The following GABRR3 variants were observed in gnomAD, a reference collection of about 807,000 sequenced individuals.
GABRR3 encodes gamma-aminobutyric acid type A receptor subunit rho3, also known as gamma-aminobutyric acid receptor subunit rho-3.
Under a neutral mutation model 43.2 loss-of-function variants are expected in GABRR3, and 29 were observed. The ratio of observed to expected loss-of-function variants is 0.67; its 90% confidence interval spans 0.50 to 0.92. The LOEUF (loss-of-function observed/expected upper bound fraction) is 0.92, where lower values mean the gene tolerates loss of function less well. Among genes scored for constraint, GABRR3 ranks in the 40% least tolerant of loss-of-function variants. The probability of loss-of-function intolerance (pLI) is 0.00; values close to 1 mark genes in which losing one functional copy is unlikely to be tolerated. For missense variants in GABRR3, 576 were observed against 572.3 expected, an observed-to-expected ratio of 1.01 and a Z score of -0.07; for synonymous variants, 206 against 195.9, an observed-to-expected ratio of 1.05 and a Z score of -0.43.
intron 4 of GABRR3, among the ~76,000 whole-genome samples, chr3:98,017,115 CT>C (rs1706881228): frequency 6.6e-6 from 1 of 152,032 alleles, no homozygotes; most frequent in Admixed American, 6.6e-5. Flanking sequence ...TAATGGCAGT[CT>C]TTTTTAGATT....
At chr3:97,993,232 TTC>T (rs1706495018) in intron 8 of GABRR3, among the ~76,000 whole-genome samples, 184 bp from the exon 9 acceptor site, 2 of 152,190 alleles carry the variant, frequency 1.3e-5, no homozygotes, top group Non-Finnish European at 2.9e-5. Flanking sequence ...CACTGGATTT[TTC>T]TGTCTCTTTT....
chr3:97,985,592 C>T (rs866026337), downstream of GABRR3, among the ~76,000 whole-genome samples: 2 of 152,198 alleles, frequency 1.3e-5, no homozygotes, highest in Middle Eastern at 3.2e-3. Context: ...GGCAGGAACG[C>T]TATTTCATAT....
intron 7 of GABRR3, among the ~76,000 whole-genome samples, chr3:98,002,679 A>T (rs1263325467): frequency 6.6e-6 from 1 of 152,178 alleles, no homozygotes; most frequent in Non-Finnish European, 1.5e-5. Flanking sequence ...AAGGCAATAC[A>T]TGAGGAAACA....
At chr3:98,006,953 C>A (rs1250400703) in intron 7 of GABRR3, among the ~76,000 whole-genome samples, 1 of 152,026 alleles carries the variant, frequency 6.6e-6, no homozygotes, top group Admixed American at 6.6e-5. Context: ...CAATGATGCA[C>A]TTTATGGATG....
At chr3:98,027,093 A>G (rs950812412) in intron 2 of GABRR3, among the ~76,000 whole-genome samples, 1 of 152,242 alleles carries the variant, frequency 6.6e-6, no homozygotes, top group Non-Finnish European at 1.5e-5. Context: ...CCAAGGAGCT[A>G]GAATTAACTA....
intron 8 of GABRR3, chr3:97,997,458 G>T (rs1706576600): frequency 6.6e-6 from 1 of 151,954 alleles, no homozygotes; most frequent in Non-Finnish European, 1.5e-5. Context: ...ATTTTAAAAA[G>T]GTAATTTATT....
chr3:98,009,003 C>T, exon 6 of GABRR3: 1 of 1,608,236 alleles, frequency 6.2e-7, no homozygotes, highest in East Asian at 2.2e-5. Flanking sequence ...AGGAAACCTG[C>T]TGAAATCCAT....
At chr3:98,001,484 C>A (rs1706640851) in intron 8 of GABRR3, 131 bp downstream of exon 8, 1 of 945,606 alleles carries the variant, frequency 1.1e-6, no homozygotes, top group East Asian at 2.6e-5. Flanking sequence ...GATACTGCAA[C>A]CTGGATGTTC....
intron 3 of GABRR3, among the ~76,000 whole-genome samples, chr3:98,018,004 C>CT (rs10710938): frequency 3.7e-4 from 51 of 137,034 alleles, no homozygotes; most frequent in Middle Eastern, 3.8e-3. Context: ...CTCCAGTTTT[C>CT]TTTTTTTTTT....
intron 7 of GABRR3, among the ~76,000 whole-genome samples, chr3:98,002,427 T>C (rs181308340): frequency 2.0e-5 from 3 of 152,292 alleles, no homozygotes; most frequent in East Asian, 3.9e-4. Context: ...TGTGGTGACA[T>C]CCACACACAC....
intron 4 of GABRR3, among the ~76,000 whole-genome samples, chr3:98,013,623 C>T (rs180730688): frequency 7.7e-4 from 118 of 152,280 alleles, no homozygotes; most frequent in Admixed American, 1.6e-3. Flanking sequence ...TTTCAGTAAA[C>T]TCTGAATGAG....
intron 9 of GABRR3, among the ~76,000 whole-genome samples, chr3:97,989,189 ATGTTAGTGGATGGTGGTGGTGTTGG>A (rs1706429217): frequency 7.4e-6 from 1 of 134,798 alleles, no homozygotes; most frequent in South Asian, 2.6e-4. Context: ...GTGGTTAGTA[ATGTTAGTGGATGGTGGTGGTGTTGG>A]TGGATGGTGG....
At chr3:98,025,872 A>T (rs1357596417) in intron 2 of GABRR3, among the ~76,000 whole-genome samples, 193 bp from the exon 3 acceptor site, 1 of 152,248 alleles carries the variant, frequency 6.6e-6, no homozygotes, top group East Asian at 1.9e-4. Context: ...CAAATAAGGT[A>T]AACCAAATTT....
chr3:98,025,905 T>C (rs1707009121), intron 2 of GABRR3, among the ~76,000 whole-genome samples: 1 of 152,180 alleles, frequency 6.6e-6, no homozygotes, highest in African/African-American at 2.4e-5. Context: ...AGTGACAAAC[T>C]CAGTTGGATT....
In GABRR3 at chr3:98,012,505, G is replaced by T. The variant is rs757370347; in HGVS notation, c.369C>A (p.Ser123Arg). 10 of 1,613,818 alleles carry T rather than the reference G, an allele frequency of 6.2e-6. No individual in the cohort carries two copies. In the South Asian group the frequency reaches 6.6e-5, roughly 11 times the overall value. The change falls in exon 5 of 10, where the codon AGC becomes AGA. Residue 123 changes from serine to arginine, a missense_variant. By Grantham distance (110) the Ser-to-Arg change is moderately radical (BLOSUM62 -1). Transcript: ENST00000621172. ...CAAATGTCATGCTTTTGTTTGCTGT[G>T]CTAGGAAAGGAGAGCCTCTCGTCTT...
At chr3:97,989,048 GAGT>G (rs1706427698) in intron 9 of GABRR3, among the ~76,000 whole-genome samples, 1 of 151,272 alleles carries the variant, frequency 6.6e-6, no homozygotes, top group Non-Finnish European at 1.5e-5. Context: ...GGTGGGTGGT[GAGT>G]GGTGGTGATG....
intron 6 of GABRR3, among the ~76,000 whole-genome samples, chr3:98,008,744 G>A (rs199505572): frequency 1.1e-3 from 11 of 9,766 alleles, no homozygotes; most frequent in Admixed American, 0.011. Flanking sequence ...CTTTTCCCCT[G>A]AACCTTCTCC....
intron 8 of GABRR3, chr3:97,998,359 A>G (rs960524180): frequency 3.9e-5 from 6 of 152,138 alleles, no homozygotes; most frequent in Admixed American, 1.3e-4. Context: ...TTATATAAAC[A>G]TTTGGAAGAT....
intron 8 of GABRR3, 179 bp downstream of exon 8, chr3:98,001,436 G>T (rs1445325971): frequency 4.9e-6 from 3 of 616,100 alleles, no homozygotes; most frequent in Non-Finnish European, 8.4e-6. Context: ...CCCAAGGAAA[G>T]AACTCAATTA....
Sources: gnomAD v4.1 joint callset for allele counts (sites outside exome capture counted in the v4.1 genomes callset) on GRCh38, gnomAD v4.1.1 for gene constraint, MANE v1.5 for transcripts, NCBI Gene and HGNC (gene_info 2026-07-23, HGNC 2026-07-21) for gene names.